TTC39B: variants seen among roughly 807,000 people sequenced by gnomAD.
The protein encoded by TTC39B is tetratricopeptide repeat protein 39B.
TTC39B carries 92 observed loss-of-function variants against 96.6 expected under a neutral mutation model. That is an observed-to-expected ratio of 0.95 (90% CI 0.80 to 1.13). The LOEUF (loss-of-function observed/expected upper bound fraction) is 1.13, where lower values mean the gene tolerates loss of function less well. TTC39B is among the 50% of genes most tolerant of loss of function. TTC39B has a pLI of 0.00. For synonymous variants in TTC39B, 367 were observed against 299.4 expected (o/e 1.23, Z -2.33); for missense variants, 955 against 809.3 (o/e 1.18, Z -2.18).
At chr9:15,199,592 G>A (rs374498883) in intron 8 of TTC39B, among the ~76,000 whole-genome samples, 100 of 151,456 alleles carry the variant, frequency 6.6e-4, no homozygotes, top group Admixed American at 1.1e-3. Context: ...AAAATTAGCC[G>A]GGCGTGGTGG....
At chr9:15,197,676 A>G (rs1819252432) in intron 8 of TTC39B, among the ~76,000 whole-genome samples, 1 of 152,326 alleles carries the variant, frequency 6.6e-6, no homozygotes, top group Admixed American at 6.5e-5. Flanking sequence ...ATTTCTCAAA[A>G]CCACACTTAG....
intron 1 of TTC39B, among the ~76,000 whole-genome samples, chr9:15,304,528 C>T (rs1400984137): frequency 6.6e-6 from 1 of 152,106 alleles, no homozygotes; most frequent in African/African-American, 2.4e-5. Context: ...GCCAAGAAAA[C>T]CTCCATCCCA....
At chr9:15,171,370 A>G (rs775310539) in exon 20 of TTC39B, 5 of 152,106 alleles carry the variant, frequency 3.3e-5, no homozygotes, top group Non-Finnish European at 7.4e-5. Context: ...TAATAGACTT[A>G]AGTACATTCA....
At chr9:15,299,371 G>A (rs1278576769) in intron 1 of TTC39B, among the ~76,000 whole-genome samples, 2 of 152,192 alleles carry the variant, frequency 1.3e-5, no homozygotes, top group Admixed American at 1.3e-4. Context: ...ATAAAGAGCT[G>A]AAGATGCATG....
At chr9:15,209,281 G>T (rs1052645146) in intron 6 of TTC39B, among the ~76,000 whole-genome samples, 1 of 152,088 alleles carries the variant, frequency 6.6e-6, no homozygotes, top group African/African-American at 2.4e-5. Context: ...GTCCCAGGGG[G>T]CACGTCAAGC....
intron 19 of TTC39B, 147 bp downstream of exon 19, chr9:15,174,872 A>G: frequency 1.5e-6 from 1 of 652,368 alleles, no homozygotes; most frequent in South Asian, 1.9e-5. Context: ...AGCCATGAGC[A>G]TAAATCAACC....
intron 1 of TTC39B, among the ~76,000 whole-genome samples, chr9:15,275,416 G>A (rs1408558181): frequency 6.6e-6 from 1 of 152,124 alleles, no homozygotes; most frequent in Admixed American, 6.5e-5. Flanking sequence ...GTTTTTTAAA[G>A]CTTCATTTTT....
chr9:15,299,139 T>A (rs1370818912), intron 1 of TTC39B, among the ~76,000 whole-genome samples: 1 of 152,150 alleles, frequency 6.6e-6, no homozygotes, highest in Non-Finnish European at 1.5e-5. Flanking sequence ...AGGAGCTGCA[T>A]TTGCTTGTCC....
At chr9:15,189,789 G>C in exon 12 of TTC39B, 1 of 1,607,072 alleles carries the variant, frequency 6.2e-7, no homozygotes, top group Non-Finnish European at 8.5e-7. Context: ...CACTTCTCCT[G>C]TACCTAGAAA....
chr9:15,299,748 C>T (rs1490084664), intron 1 of TTC39B, among the ~76,000 whole-genome samples: 1 of 152,132 alleles, frequency 6.6e-6, no homozygotes. Context: ...TAGATGGAAA[C>T]TCTGAGCTTC....
intron 7 of TTC39B, 56 bp from the exon 8 acceptor site, chr9:15,199,981 C>T: frequency 1.0e-6 from 1 of 994,120 alleles, no homozygotes; most frequent in South Asian, 1.5e-5. Flanking sequence ...TTAAATTGTC[C>T]CCACAGTTGT....
intron 1 of TTC39B, among the ~76,000 whole-genome samples, chr9:15,287,326 C>G (rs1230558588): frequency 6.6e-6 from 1 of 152,140 alleles, no homozygotes; most frequent in Non-Finnish European, 1.5e-5. Flanking sequence ...AATGGTCAAT[C>G]TGAAAATAAA....
At chr9:15,266,442 A>G (rs1302058899) in intron 2 of TTC39B, among the ~76,000 whole-genome samples, 2 of 152,234 alleles carry the variant, frequency 1.3e-5, no homozygotes, top group African/African-American at 2.4e-5. Flanking sequence ...AAAGAAAATT[A>G]GAAGTCATAC....
chr9:15,233,270 G>A (rs574744976), intron 2 of TTC39B, among the ~76,000 whole-genome samples: 1 of 152,264 alleles, frequency 6.6e-6, no homozygotes, highest in East Asian at 1.9e-4. Context: ...GTTTCCACCT[G>A]GCCGGTGCCA....
intron 2 of TTC39B, among the ~76,000 whole-genome samples, chr9:15,259,345 TACACC>T (rs2131530290): frequency 6.6e-6 from 1 of 152,320 alleles, no homozygotes; most frequent in East Asian, 1.9e-4. Flanking sequence ...TGTTGGGGGT[TACACC>T]ATTTATATGT....
At chr9:15,296,004 A>G (rs1283697816) in intron 1 of TTC39B, among the ~76,000 whole-genome samples, 1 of 152,136 alleles carries the variant, frequency 6.6e-6, no homozygotes, top group Non-Finnish European at 1.5e-5. Flanking sequence ...CAAAAAGATA[A>G]TACTCCATTT....
At chr9:15,221,298 C>T (rs1300664433) in intron 3 of TTC39B, among the ~76,000 whole-genome samples, 1 of 152,200 alleles carries the variant, frequency 6.6e-6, no homozygotes, top group Non-Finnish European at 1.5e-5. Flanking sequence ...CCTCCCACCA[C>T]TGACATGTTT....
At chr9:15,303,781 G>A (rs963424450) in intron 1 of TTC39B, among the ~76,000 whole-genome samples, 5 of 151,684 alleles carry the variant, frequency 3.3e-5, no homozygotes, top group South Asian at 2.1e-4. Flanking sequence ...ACAGGTGCCC[G>A]CCACCACGCC....
intron 4 of TTC39B, among the ~76,000 whole-genome samples, chr9:15,212,597 T>G (rs2131354538): frequency 6.6e-6 from 1 of 152,278 alleles, no homozygotes; most frequent in Non-Finnish European, 1.5e-5. Context: ...GGCTAATTTT[T>G]TGTATTTTTA....
Sources: gnomAD v4.1 joint callset for allele counts (sites outside exome capture counted in the v4.1 genomes callset) on GRCh38, gnomAD v4.1.1 for gene constraint, MANE v1.5 for transcripts, NCBI Gene and HGNC (gene_info 2026-07-23, HGNC 2026-07-21) for gene names.